Variants in PLCB1 observed in about 807,000 individuals in gnomAD.
The protein encoded by PLCB1 is phospholipase C beta 1, also known as 1-phosphatidylinositol 4,5-bisphosphate phosphodiesterase beta-1.
PLCB1 carries 46 observed loss-of-function variants against 161.8 expected under a neutral mutation model. That is an observed-to-expected ratio of 0.28 (90% CI 0.22 to 0.36). The LOEUF is 0.36. Ranked by LOEUF, PLCB1 falls within the 10% of genes least tolerant of loss-of-function variation. PLCB1 has a pLI of 1.00. For missense variants in PLCB1, 1,016 were observed against 1,472.5 expected, an observed-to-expected ratio of 0.69 and a Z score of 5.07; for synonymous variants, 517 against 503.7, an observed-to-expected ratio of 1.03 and a Z score of -0.35.
At position 8,881,700 on chromosome 20, in the gene PLCB1, G is replaced by A; in HGVS notation, c.3502G>A (p.Ala1168Thr). Residue 1168 changes from alanine (A) to threonine (T), a missense_variant, in exon 32 of 32, where the codon GCC becomes ACC. Physicochemically the swap from Ala to Thr is moderately conservative, Grantham distance 58. This residue lies in a region of PLCB1 where 398 missense variants were observed against 445.4 expected (regional missense o/e 0.89). Coordinates refer to ENST00000338037, the MANE Select transcript of PLCB1 (RefSeq NM_015192.4). The stretch of plus-strand genomic sequence containing the variant: ...CGAGATTTTGGAATTCGTGCAGGAA[G>A]CCATGAAAGGAAAGATCAGTGAAGA... ...PLEILEFVQEAMKGKISEDSN... is the reference protein window; with the variant it reads ...PLEILEFVQETMKGKISEDSN... 1 of 1,614,062 alleles carries A rather than the reference G, an allele frequency of 6.2e-7. No homozygotes were observed. Among genetic ancestry groups the A allele is most frequent in the Non-Finnish European group, 8.5e-7 (1 of 1,179,994 alleles).
chr20:8,663,312 A>C (rs2123340342), intron 9 of PLCB1, among the ~76,000 whole-genome samples: 1 of 152,034 alleles, frequency 6.6e-6, no homozygotes, highest in East Asian at 1.9e-4. Flanking sequence ...TAAGCAAATA[A>C]ATAATATACA....
chr20:8,863,120 A>G (rs539619610), intron 31 of PLCB1, among the ~76,000 whole-genome samples: 18 of 152,342 alleles, frequency 1.2e-4, no homozygotes, highest in Admixed American at 9.8e-4. Context: ...TGCAAGAGAA[A>G]GCAAGCTGTT....
intron 3 of PLCB1, among the ~76,000 whole-genome samples, chr20:8,571,990 G>A (rs1220771250): frequency 6.6e-6 from 1 of 151,660 alleles, no homozygotes; most frequent in Admixed American, 6.6e-5. Flanking sequence ...ACTGGTAATG[G>A]TATTTTTTTA....
chr20:8,368,329 A>G (rs1404601432), intron 2 of PLCB1, among the ~76,000 whole-genome samples: 1 of 152,008 alleles, frequency 6.6e-6, no homozygotes, highest in Admixed American at 6.6e-5. Flanking sequence ...GGAGTTTGAG[A>G]CCAGCCTGGC....
At chr20:8,513,797 C>T (rs1461923139) in intron 3 of PLCB1, among the ~76,000 whole-genome samples, 1 of 152,052 alleles carries the variant, frequency 6.6e-6, no homozygotes, top group Non-Finnish European at 1.5e-5. Context: ...ATCGCTTGAG[C>T]TCAGGAGTTC....
At chr20:8,431,835 G>A (rs981056092) in intron 3 of PLCB1, among the ~76,000 whole-genome samples, 1 of 152,160 alleles carries the variant, frequency 6.6e-6, no homozygotes, top group African/African-American at 2.4e-5. Context: ...GGGCTTGAAT[G>A]CTGTATTAGT....
chr20:8,160,746 T>C (rs73080221), intron 2 of PLCB1, among the ~76,000 whole-genome samples: 5,222 of 152,310 alleles, frequency 0.034, 117 homozygotes, highest in Non-Finnish European at 0.051. Context: ...AAGCTCTTTC[T>C]ATATTTAATC....
intron 7 of PLCB1, among the ~76,000 whole-genome samples, chr20:8,656,388 G>T (rs909014440): frequency 6.6e-6 from 1 of 151,866 alleles, no homozygotes; most frequent in African/African-American, 2.4e-5. Flanking sequence ...TCAAAGGAAG[G>T]GTGTGTTCTT....
intron 26 of PLCB1, 133 bp from the exon 27 acceptor site, chr20:8,774,406 C>G (rs2146203590): frequency 3.7e-6 from 3 of 801,758 alleles, no homozygotes; most frequent in East Asian, 4.9e-5. Context: ...GTCTCACCCT[C>G]TACCCCAAGT....
In PLCB1 at chr20:8,881,899, G is replaced by A. The variant is rs758526728; in HGVS notation, c.*50G>A. The A allele has an allele frequency of 1.7e-6, 2 of 1,202,700 alleles. No individual in the cohort carries two copies. Among genetic ancestry groups the A allele is most frequent in the Non-Finnish European group, 2.5e-6 (2 of 810,700 alleles). 74.5% of individuals were successfully genotyped at this position (1,202,700 alleles called of 1,614,324 possible). On this transcript the variant is annotated 3_prime_UTR_variant, in exon 32 of 32. Coordinates refer to ENST00000338037, the MANE Select transcript of PLCB1 (RefSeq NM_015192.4). The stretch of plus-strand genomic sequence containing the variant: ...TTGCATGGCCACTCCAGCGTCATCG[G>A]ACTCTCTCTTATTACAAAGATCACT...
At chr20:8,190,856 C>T (rs1015705026) in intron 2 of PLCB1, among the ~76,000 whole-genome samples, 5 of 152,094 alleles carry the variant, frequency 3.3e-5, no homozygotes, top group African/African-American at 9.7e-5. Context: ...TATTTAATGT[C>T]CTTTCTCAAG....
chr20:8,672,458 T>C (rs1989971544), intron 9 of PLCB1, among the ~76,000 whole-genome samples: 1 of 151,908 alleles, frequency 6.6e-6, no homozygotes, highest in Admixed American at 6.6e-5. Flanking sequence ...TGTTCTTTCC[T>C]TGATCCTTTT....
intron 3 of PLCB1, among the ~76,000 whole-genome samples, chr20:8,404,550 C>T (rs933143954): frequency 1.3e-5 from 2 of 152,190 alleles, no homozygotes; most frequent in Admixed American, 6.5e-5. Context: ...GGATGTCAAG[C>T]TCCTTGGAAA....
intron 2 of PLCB1, among the ~76,000 whole-genome samples, chr20:8,204,167 A>G (rs1978399129): frequency 6.6e-6 from 1 of 152,150 alleles, no homozygotes. Context: ...GGGTGGGGAA[A>G]TAATTGAATA....
chr20:8,743,444 G>C (rs1353654061), intron 23 of PLCB1, among the ~76,000 whole-genome samples: 2 of 152,052 alleles, frequency 1.3e-5, no homozygotes, highest in Admixed American at 1.3e-4. Context: ...CTTGTTTGTG[G>C]TGGGCAACTT....
chr20:8,526,955 C>T (rs1984610153), intron 3 of PLCB1, among the ~76,000 whole-genome samples: 1 of 152,066 alleles, frequency 6.6e-6, no homozygotes, highest in Non-Finnish European at 1.5e-5. Flanking sequence ...AAAACAGGGC[C>T]AGTTCAAGCA....
intron 9 of PLCB1, among the ~76,000 whole-genome samples, chr20:8,663,801 T>C (rs917835481): frequency 4.6e-5 from 7 of 152,124 alleles, no homozygotes; most frequent in African/African-American, 7.2e-5. Context: ...GTTTGCACTG[T>C]AGACTTAAAT....
chr20:8,662,484 A>T (rs1989702302), intron 9 of PLCB1, among the ~76,000 whole-genome samples: 1 of 139,424 alleles, frequency 7.2e-6, no homozygotes, highest in Admixed American at 7.5e-5. Context: ...ATATATATAT[A>T]ATTTTTTATT....
intron 7 of PLCB1, chr20:8,651,745 C>A: frequency 2.3e-6 from 1 of 428,144 alleles, no homozygotes; most frequent in South Asian, 6.5e-5. Flanking sequence ...GGGGGAAGTG[C>A]TATAAAAAGA....
Sources: gnomAD v4.1 joint callset for allele counts (sites outside exome capture counted in the v4.1 genomes callset) on GRCh38, gnomAD v4.1.1 for gene constraint, gnomAD v4.1.1 regional missense constraint, MANE v1.5 for transcripts, NCBI Gene and HGNC (gene_info 2026-07-23, HGNC 2026-07-21) for gene names.